PCDH11Y: variants seen among roughly 807,000 people sequenced by gnomAD.
PCDH11Y encodes protocadherin-11 Y-linked.
For synonymous variants in PCDH11Y, 9 were observed against 83.6 expected (o/e 0.11, Z 4.87); for missense variants, 12 against 224.8 (o/e 0.05, Z 6.05).
chrY:5,311,780 G>C, intron 2 of PCDH11Y, among the ~76,000 whole-genome samples: 1 of 31,201 alleles, frequency 3.2e-5, no homozygotes, highest in African/African-American at 1.3e-4. Flanking sequence ...CACAACCTCT[G>C]CCTCCCAGTT....
chrY:5,031,575 T>G (rs2124621611), intron 1 of PCDH11Y, among the ~76,000 whole-genome samples: 1 of 32,637 alleles, frequency 3.1e-5, no homozygotes, highest in Non-Finnish European at 7.6e-5. Flanking sequence ...CAGACTAGGC[T>G]GGCTTTTCAA....
chrY:5,224,825 C>G, intron 2 of PCDH11Y, among the ~76,000 whole-genome samples: 1 of 33,420 alleles, frequency 3.0e-5, no homozygotes, highest in African/African-American at 1.2e-4. Flanking sequence ...GTTCCATTTT[C>G]ACATACGGAT....
At chrY:5,120,993 T>C in intron 2 of PCDH11Y, among the ~76,000 whole-genome samples, 1 of 30,062 alleles carries the variant, frequency 3.3e-5, no homozygotes, top group Non-Finnish European at 8.1e-5. Flanking sequence ...AAATCAATCA[T>C]CTTCTCTGTC....
intron 2 of PCDH11Y, among the ~76,000 whole-genome samples, chrY:5,421,049 TACACACAC>T (rs1310744427): frequency 1.2e-4 from 2 of 16,952 alleles, no homozygotes; most frequent in Non-Finnish European, 2.3e-4. Flanking sequence ...CTACTAAAAA[TACACACAC>T]ACACACACAC....
At chrY:5,468,022 A>C (rs4326556) in intron 2 of PCDH11Y, among the ~76,000 whole-genome samples, 1 of 25,300 alleles carries the variant, frequency 4.0e-5, no homozygotes, top group Non-Finnish European at 1.1e-4. Flanking sequence ...GTAATAATAA[A>C]ATTAAAAACC....
At chrY:5,656,563 AAAT>A (rs2053536509) in intron 4 of PCDH11Y, among the ~76,000 whole-genome samples, 1 of 31,385 alleles carries the variant, frequency 3.2e-5, no homozygotes, top group Admixed American at 3.0e-4. Context: ...GAAAGCTATA[AAAT>A]CTAATAAAGG....
intron 2 of PCDH11Y, among the ~76,000 whole-genome samples, chrY:5,266,248 G>A: frequency 3.0e-5 from 1 of 33,682 alleles, no homozygotes; most frequent in Non-Finnish European, 7.3e-5. Context: ...TTAAAAAATA[G>A]CCTCTAGGCT....
At chrY:5,337,250 T>C (rs2124668281) in intron 2 of PCDH11Y, among the ~76,000 whole-genome samples, 2 of 32,804 alleles carry the variant, frequency 6.1e-5, no homozygotes, top group South Asian at 7.0e-4. Context: ...TTTTCAATTT[T>C]TTTTTAAATC....
intron 2 of PCDH11Y, among the ~76,000 whole-genome samples, chrY:5,323,609 G>A: frequency 2.9e-5 from 1 of 34,067 alleles, no homozygotes; most frequent in Non-Finnish European, 7.3e-5. Context: ...GTATAGGCTA[G>A]TAACTCATAA....
intron 2 of PCDH11Y, among the ~76,000 whole-genome samples, chrY:5,435,440 A>G: frequency 6.9e-5 from 2 of 28,967 alleles, no homozygotes; most frequent in Non-Finnish European, 1.6e-4. Flanking sequence ...CAGCCTCCCG[A>G]GTAACTGGAA....
intron 2 of PCDH11Y, among the ~76,000 whole-genome samples, chrY:5,295,047 G>A (rs2053072067): frequency 5.9e-5 from 2 of 33,757 alleles, no homozygotes; most frequent in Non-Finnish European, 1.5e-4. Context: ...TCCTTCAACA[G>A]TGTAAATATG....
intron 4 of PCDH11Y, among the ~76,000 whole-genome samples, chrY:5,603,927 A>G (rs1602949261): frequency 3.6e-5 from 1 of 27,664 alleles, no homozygotes; most frequent in South Asian, 8.4e-4. Context: ...AAGAAAGAAA[A>G]GAAAGAAAGA....
intron 4 of PCDH11Y, among the ~76,000 whole-genome samples, chrY:5,699,951 G>A: frequency 3.1e-5 from 1 of 32,714 alleles, no homozygotes; most frequent in East Asian, 8.3e-4. Context: ...CCCTTGCCCC[G>A]TGTGGCTCCT....
At chrY:5,713,533 T>G in intron 4 of PCDH11Y, among the ~76,000 whole-genome samples, 1 of 31,472 alleles carries the variant, frequency 3.2e-5, no homozygotes, top group African/African-American at 1.2e-4. Context: ...TTGTGTGAGA[T>G]TCTTGTAATT....
intron 4 of PCDH11Y, among the ~76,000 whole-genome samples, chrY:5,687,604 C>CA (rs201607647): frequency 3.7e-3 from 31 of 8,381 alleles, no homozygotes; most frequent in East Asian, 0.017. Context: ...ACTCTGTCTC[C>CA]AAAAAAAAAA....
intron 2 of PCDH11Y, among the ~76,000 whole-genome samples, chrY:5,480,107 A>C (rs1602931609): frequency 3.1e-5 from 1 of 31,921 alleles, no homozygotes; most frequent in South Asian, 7.1e-4. Context: ...GGAGGAGAAG[A>C]AGCATTCTGG....
At chrY:5,615,952 C>T (rs2053493465) in intron 4 of PCDH11Y, among the ~76,000 whole-genome samples, 1 of 33,708 alleles carries the variant, frequency 3.0e-5, no homozygotes, top group Admixed American at 2.7e-4. Flanking sequence ...CACTATGAGT[C>T]CCTAAAATGT....
chrY:5,099,117 T>C, exon 2 of PCDH11Y: 1 of 396,035 alleles, frequency 2.5e-6, no homozygotes, highest in Non-Finnish European at 3.5e-6. Context: ...ATAACTCTCC[T>C]GGCATCCAGT....
At chrY:5,223,229 A>G (rs2052956061) in intron 2 of PCDH11Y, among the ~76,000 whole-genome samples, 1 of 32,625 alleles carries the variant, frequency 3.1e-5, no homozygotes, top group Non-Finnish European at 7.5e-5. Context: ...TCTCTATGAT[A>G]TATTCTACCA....
Sources: gnomAD v4.1 joint callset for allele counts (sites outside exome capture counted in the v4.1 genomes callset) on GRCh38, gnomAD v4.1.1 for gene constraint, MANE v1.5 for transcripts, NCBI Gene and HGNC (gene_info 2026-07-23, HGNC 2026-07-21) for gene names.